Variants in GRM1 observed in about 807,000 individuals in gnomAD.
GRM1 encodes the protein metabotropic glutamate receptor 1.
GRM1 carries 33 observed loss-of-function variants against 90.9 expected under a neutral mutation model. That is an observed-to-expected ratio of 0.36 (90% CI 0.28 to 0.49). The LOEUF (loss-of-function observed/expected upper bound fraction) is 0.49. Among genes scored for constraint, GRM1 ranks in the 20% least tolerant of loss-of-function variants. The pLI is 0.99. For missense variants in GRM1, 1,190 were observed against 1,534.3 expected (o/e 0.78, Z 3.75); for synonymous variants, 700 against 613.2 (o/e 1.14, Z -2.09).
At chr6:146,147,574 C>A (rs1006628590) in intron 1 of GRM1, among the ~76,000 whole-genome samples, 1 of 152,160 alleles carries the variant, frequency 6.6e-6, no homozygotes, top group Non-Finnish European at 1.5e-5. Flanking sequence ...GTTCAGAATA[C>A]CAAGACACAG....
At chr6:146,158,660 G>A (rs1777605216) in intron 1 of GRM1, among the ~76,000 whole-genome samples, 1 of 152,154 alleles carries the variant, frequency 6.6e-6, no homozygotes, top group African/African-American at 2.4e-5. Context: ...GAGAGACAGG[G>A]AACTTGTAAA....
At chr6:146,394,855 G>A (rs1352549844) in intron 6 of GRM1, among the ~76,000 whole-genome samples, 3 of 152,052 alleles carry the variant, frequency 2.0e-5, no homozygotes, top group Non-Finnish European at 2.9e-5. Context: ...TCCATCTGGA[G>A]ATGCTCAAAG....
chr6:146,264,596 C>T (rs1781813126), intron 2 of GRM1, among the ~76,000 whole-genome samples: 1 of 151,614 alleles, frequency 6.6e-6, no homozygotes, highest in African/African-American at 2.4e-5. Flanking sequence ...GAACATATTG[C>T]ATAATGGTGA....
At chr6:146,397,473 C>CAA (rs1195779695) in intron 6 of GRM1, among the ~76,000 whole-genome samples, 47 of 16,632 alleles carry the variant, frequency 2.8e-3, no homozygotes, top group African/African-American at 3.8e-3. Context: ...GACCCCGTCT[C>CAA]AAAAAAAAAA....
chr6:146,321,550 C>T (rs1176140638), intron 3 of GRM1, among the ~76,000 whole-genome samples: 1 of 151,840 alleles, frequency 6.6e-6, no homozygotes, highest in Non-Finnish European at 1.5e-5. Flanking sequence ...GTTGATCTGT[C>T]TAATATTGAC....
intron 1 of GRM1, among the ~76,000 whole-genome samples, chr6:146,154,077 A>G (rs1322807468): frequency 6.6e-6 from 1 of 152,126 alleles, no homozygotes; most frequent in Non-Finnish European, 1.5e-5. Context: ...GAGTATGCCT[A>G]AGGGTCTTTA....
At chr6:146,097,787 G>GA (rs1417308781) in intron 1 of GRM1, among the ~76,000 whole-genome samples, 1 of 152,186 alleles carries the variant, frequency 6.6e-6, no homozygotes, top group Non-Finnish European at 1.5e-5. Context: ...GCCAAATCTG[G>GA]ATCATCTGTC....
At chr6:146,028,981 G>C (rs1463188562), upstream of GRM1, among the ~76,000 whole-genome samples, 1 of 152,182 alleles carries the variant, frequency 6.6e-6, no homozygotes, top group East Asian at 1.9e-4. Flanking sequence ...GGGCGAGTTG[G>C]CGGGGCTCTG....
chr6:146,066,731 A>G (rs902007662), intron 1 of GRM1, among the ~76,000 whole-genome samples: 22 of 151,910 alleles, frequency 1.4e-4, no homozygotes, highest in African/African-American at 5.1e-4. Flanking sequence ...ATCACTCCTT[A>G]GAGAACAGGT....
At chr6:146,147,601 T>A (rs1384700806) in intron 1 of GRM1, among the ~76,000 whole-genome samples, 2 of 152,134 alleles carry the variant, frequency 1.3e-5, no homozygotes, top group Non-Finnish European at 2.9e-5. Flanking sequence ...ATGAAACAGG[T>A]TTTATTCAGC....
intron 1 of GRM1, among the ~76,000 whole-genome samples, chr6:146,085,109 T>A (rs1358132403): frequency 6.6e-6 from 1 of 152,092 alleles, no homozygotes. Context: ...ATTTATTTAA[T>A]CTCTGGGCAG....
At chr6:146,286,785 G>A (rs1164607383) in intron 2 of GRM1, among the ~76,000 whole-genome samples, 2 of 152,148 alleles carry the variant, frequency 1.3e-5, no homozygotes, top group Admixed American at 6.5e-5. Context: ...AAAGAACCAC[G>A]GTGATAAAAA....
Position 146,251,106 on chromosome 6 carries a change from G to C in GRM1, c.951-53505G>C, listed in dbSNP as rs536735216. Among the ~76,000 whole-genome samples, 173 of 152,310 alleles carry C rather than the reference G, an allele frequency of 1.1e-3. 1 individual carries two copies. Among genetic ancestry groups the C allele is most frequent in the African/African-American group, 4.0e-3 (167 of 41,576 alleles). On this transcript the variant is annotated intron_variant, in intron 2 of 7. Coordinates refer to ENST00000282753, the MANE Select transcript of GRM1 (RefSeq NM_001278064.2). ...TTGGAAGAATATACAATAAGCCTAAGTGAAAACGTTAGTGGCCATCTATCT... is the reference window on the plus strand; with the variant it reads ...TTGGAAGAATATACAATAAGCCTAACTGAAAACGTTAGTGGCCATCTATCT...
intron 5 of GRM1, among the ~76,000 whole-genome samples, chr6:146,376,306 T>G (rs1776096239): frequency 6.6e-6 from 1 of 152,166 alleles, no homozygotes; most frequent in African/African-American, 2.4e-5. Flanking sequence ...TTAAGAGTAG[T>G]TTACATACCA....
intron 1 of GRM1, among the ~76,000 whole-genome samples, chr6:146,064,152 T>C (rs1775766309): frequency 6.6e-6 from 1 of 152,186 alleles, no homozygotes; most frequent in Non-Finnish European, 1.5e-5. Flanking sequence ...TTAAAATAGA[T>C]AATCCACAAA....
chr6:146,226,556 A>G (rs1780246913), intron 2 of GRM1, among the ~76,000 whole-genome samples: 1 of 151,948 alleles, frequency 6.6e-6, no homozygotes, highest in South Asian at 2.1e-4. Flanking sequence ...TCAGAACATT[A>G]TCTATGTATC....
At chr6:146,406,869 AAAGGAG>A (rs1304683469) in intron 7 of GRM1, among the ~76,000 whole-genome samples, 2 of 152,070 alleles carry the variant, frequency 1.3e-5, no homozygotes, top group Non-Finnish European at 2.9e-5. Flanking sequence ...CAAAAAGAAT[AAAGGAG>A]AAGGAGAAGA....
Position 146,389,309 on chromosome 6 carries a change from T to C in GRM1, c.1729+2293T>C, listed in dbSNP as rs187814240. 6.3e-4 allele frequency among the ~76,000 whole-genome samples: 96 copies of C among 152,184 alleles called. 1 individual carries two copies. Among genetic ancestry groups the C allele is most frequent in the African/African-American group, 2.2e-3 (91 of 41,540 alleles). ...TACAAAGATTTTTCTCTTGTCTACA[T>C]TTTTTGGGCTTTCTCCAACTTCTCC... On this transcript the variant is annotated intron_variant, in intron 6 of 7. Transcript: ENST00000282753.
intron 1 of GRM1, among the ~76,000 whole-genome samples, chr6:146,158,120 A>G (rs755680199): frequency 1.4e-4 from 22 of 152,216 alleles, no homozygotes; most frequent in African/African-American, 5.3e-4. Flanking sequence ...CCATTCAGCA[A>G]GGTTGTGTCT....
Sources: gnomAD v4.1 joint callset for allele counts (sites outside exome capture counted in the v4.1 genomes callset) on GRCh38, gnomAD v4.1.1 for gene constraint, MANE v1.5 for transcripts, NCBI Gene and HGNC (gene_info 2026-07-23, HGNC 2026-07-21) for gene names.